The following ECE1 variants were observed in gnomAD, a reference collection of about 807,000 sequenced individuals.
ECE1 encodes endothelin converting enzyme 1.
Under a neutral mutation model 98.6 loss-of-function variants are expected in ECE1, and 35 were observed. That is an observed-to-expected ratio of 0.35 (90% CI 0.27 to 0.47). The LOEUF (loss-of-function observed/expected upper bound fraction) is 0.47, where lower values mean the gene tolerates loss of function less well. ECE1 is among the 20% of genes least tolerant of loss of function. ECE1 has a pLI of 1.00. For synonymous variants in ECE1, 394 were observed against 407.1 expected (o/e 0.97, Z 0.39); for missense variants, 814 against 1,025.3 (o/e 0.79, Z 2.81).
chr1:21,223,912 A>T (rs1482612895), intron 17 of ECE1, among the ~76,000 whole-genome samples: 2 of 152,214 alleles, frequency 1.3e-5, no homozygotes, highest in Non-Finnish European at 2.9e-5. Context: ...CCTGTTTTAA[A>T]GGGTAGGTTG....
At chr1:21,285,341 T>A (rs970944292) in intron 2 of ECE1, among the ~76,000 whole-genome samples, 3 of 152,166 alleles carry the variant, frequency 2.0e-5, no homozygotes, top group Non-Finnish European at 4.4e-5. Context: ...CCACTGTGTG[T>A]TGCTGGGCAG....
intron 8 of ECE1, among the ~76,000 whole-genome samples, chr1:21,253,749 CGA>C (rs1207396339): frequency 1.5e-5 from 2 of 133,330 alleles, no homozygotes; most frequent in African/African-American, 5.8e-5. Flanking sequence ...GGCGAGAGCG[CGA>C]GACTCTGTCT....
chr1:21,265,503 G>A (rs191128600), intron 4 of ECE1, among the ~76,000 whole-genome samples: 1 of 152,352 alleles, frequency 6.6e-6, no homozygotes, highest in East Asian at 1.9e-4. Flanking sequence ...CTGTACTCCA[G>A]CCTGGGCGAC....
At chr1:21,232,354 A>G (rs1159441309) in intron 14 of ECE1, among the ~76,000 whole-genome samples, 1 of 150,932 alleles carries the variant, frequency 6.6e-6, no homozygotes, top group African/African-American at 2.4e-5. Flanking sequence ...GCTGGAGTAC[A>G]GTGGCATGAT....
chr1:21,328,779 AAAAAAAAG>A, intron 1 of ECE1, among the ~76,000 whole-genome samples: 1 of 151,836 alleles, frequency 6.6e-6, no homozygotes, highest in East Asian at 1.9e-4. Context: ...AAAAAAAAAA[AAAAAAAAG>A]AATCTCTGTG....
chr1:21,243,724 G>A (rs1291826719), intron 10 of ECE1, among the ~76,000 whole-genome samples: 3 of 152,226 alleles, frequency 2.0e-5, no homozygotes, highest in Non-Finnish European at 4.4e-5. Flanking sequence ...ACAGAATCCT[G>A]GCTTTGGCCC....
chr1:21,222,017 A>G (rs145448121), intron 17 of ECE1, 175 bp from the exon 18 acceptor site: 7 of 674,054 alleles, frequency 1.0e-5, no homozygotes, highest in Admixed American at 4.6e-5. Flanking sequence ...GTTTAGCCCT[A>G]TGGCTTAAAA....
At chr1:21,263,618 T>A (rs181229916) in intron 4 of ECE1, among the ~76,000 whole-genome samples, 3 of 152,068 alleles carry the variant, frequency 2.0e-5, no homozygotes, top group Admixed American at 6.5e-5. Flanking sequence ...CCTCCCCAAA[T>A]GCTGGGATTA....
intron 1 of ECE1, among the ~76,000 whole-genome samples, chr1:21,339,826 T>A (rs1181514998): frequency 2.6e-5 from 4 of 152,104 alleles, no homozygotes; most frequent in Non-Finnish European, 5.9e-5. Flanking sequence ...GAGGGAGCCA[T>A]TCCTAGGCTT....
At chr1:21,330,880 G>T (rs1352835647) in intron 1 of ECE1, among the ~76,000 whole-genome samples, 1 of 152,172 alleles carries the variant, frequency 6.6e-6, no homozygotes, top group Admixed American at 6.5e-5. Context: ...CCCTTTGCTG[G>T]CTGCAAAGGA....
intron 3 of ECE1, among the ~76,000 whole-genome samples, chr1:21,275,573 C>A (rs190499920): frequency 6.6e-6 from 1 of 152,088 alleles, no homozygotes; most frequent in Non-Finnish European, 1.5e-5. Context: ...CCAGCCTGGG[C>A]GACAAGAGTG....
At chr1:21,222,266 A>G (rs1029872799) in intron 17 of ECE1, among the ~76,000 whole-genome samples, 5 of 152,044 alleles carry the variant, frequency 3.3e-5, no homozygotes, top group Non-Finnish European at 5.9e-5. Context: ...CGCTTCTTCA[A>G]TTCTTCTCTT....
chr1:21,264,294 C>T (rs2098230928), intron 4 of ECE1, among the ~76,000 whole-genome samples: 1 of 148,376 alleles, frequency 6.7e-6, no homozygotes, highest in African/African-American at 2.5e-5. Flanking sequence ...CAAATAGGCA[C>T]TGGAATATAC....
chr1:21,254,536 C>T lies in ECE1; in HGVS notation c.1020+1411G>A, dbSNP rs2098217470. On this transcript the variant is annotated intron_variant, in intron 8 of 18. Coordinates refer to ENST00000374893, the MANE Select transcript of ECE1 (RefSeq NM_001397.3). ...GGATGCCTGGGGGGAACCTGGTGGC[C>T]ATGCTGGGCTGATGTGCTCAGGGCT... is the stretch of plus-strand genomic sequence containing the variant. Among the ~76,000 whole-genome samples the T allele has an allele frequency of 3.3e-5, 5 of 152,154 alleles. No individual in the cohort carries two copies. In the South Asian group the frequency reaches 1.0e-3, roughly 31 times the overall value.
In ECE1 at chr1:21,258,726, G is replaced by C. The variant is rs763305486; in HGVS notation, c.729C>G (p.Ala243=). The C allele has an allele frequency of 1.2e-6, 2 of 1,614,152 alleles. No homozygotes were observed. The highest frequency in any genetic ancestry group is 1.1e-5 in the South Asian group (1 of 91,080). ...CGTTGCTGTTGGAGTTCTTGGAATC[G>C]GCACTGACATAGACAGAGAAGAAGG... The part of the protein sequence containing the change: ...TSPFFSVYVS[A]DSKNSNSNVI... Residue 243 remains alanine, a synonymous_variant, in exon 6 of 19, where the codon GCC becomes GCG. Coordinates refer to ENST00000374893, the MANE Select transcript of ECE1 (RefSeq NM_001397.3). This position sits in a 1 kb window ranked among gnomAD's most constrained non-coding sequence, Gnocchi z 4.2.
intron 1 of ECE1, among the ~76,000 whole-genome samples, chr1:21,339,377 G>A (rs957043129): frequency 6.6e-5 from 10 of 152,182 alleles, no homozygotes; most frequent in African/African-American, 2.2e-4. Context: ...GGCTTTCCCA[G>A]GAAGGCCAAG....
Position 21,227,234 on chromosome 1 carries a change from G to T in ECE1, c.1782-8C>A, listed in dbSNP as rs375237580. 6 of 1,613,638 alleles carry T rather than the reference G, an allele frequency of 3.7e-6. No homozygotes were observed. In the African/African-American group the frequency reaches 8.0e-5, roughly 22 times the overall value. On this transcript the variant is annotated splice_polypyrimidine_tract_variant and splice_region_variant and intron_variant, in intron 15 of 18. Coordinates refer to ENST00000374893, the MANE Select transcript of ECE1 (RefSeq NM_001397.3). ...CCACCAAAGTTTAAGGCCCTGGAGG[G>T]AAAGACACAAAGGTAGAGATGATGC...
chr1:21,304,151 T>TA (rs912693616), intron 1 of ECE1, among the ~76,000 whole-genome samples: 4 of 149,768 alleles, frequency 2.7e-5, no homozygotes, highest in Non-Finnish European at 4.5e-5. Context: ...CTGTCTCTAC[T>TA]AAAAAATACA....
At chr1:21,293,028 A>C (rs754421044), upstream of ECE1, among the ~76,000 whole-genome samples, 14 of 152,338 alleles carry the variant, frequency 9.2e-5, no homozygotes, top group Middle Eastern at 3.4e-3. Flanking sequence ...AAAGAAGTTC[A>C]GTTCACAGAA....
Sources: gnomAD v4.1 joint callset for allele counts (sites outside exome capture counted in the v4.1 genomes callset) on GRCh38, gnomAD v4.1.1 for gene constraint, Gnocchi (gnomAD v3.1) non-coding constraint, MANE v1.5 for transcripts, NCBI Gene and HGNC (gene_info 2026-07-23, HGNC 2026-07-21) for gene names.